The following CACNA1D variants were observed in gnomAD, a reference collection of about 807,000 sequenced individuals.
CACNA1D encodes calcium voltage-gated channel subunit alpha1 D.
In CACNA1D, 55 loss-of-function variants were observed where a neutral mutation model predicts 257.1. That is an observed-to-expected ratio of 0.21 (90% CI 0.17 to 0.27). The LOEUF (loss-of-function observed/expected upper bound fraction) is 0.27. Among genes scored for constraint, CACNA1D ranks in the 10% least tolerant of loss-of-function variants. CACNA1D has a pLI of 1.00. For synonymous variants in CACNA1D, 980 were observed against 1,014.9 expected (o/e 0.97, Z 0.65); for missense variants, 1,876 against 2,784.0 (o/e 0.67, Z 7.34).
intron 9 of CACNA1D, among the ~76,000 whole-genome samples, chr3:53,706,248 T>A (rs1329272867): frequency 1.3e-5 from 2 of 152,188 alleles, no homozygotes; most frequent in Non-Finnish European, 1.5e-5. Flanking sequence ...GAAGTGACAG[T>A]GTGAGAAGAA....
intron 21 of CACNA1D, among the ~76,000 whole-genome samples, chr3:53,742,539 A>G (rs2095127985): frequency 6.6e-6 from 1 of 152,202 alleles, no homozygotes; most frequent in Admixed American, 6.5e-5. Context: ...GCCTCTGTGG[A>G]AAAGTGATGT....
At position 53,805,139 on chromosome 3, in the gene CACNA1D, C is replaced by T; in HGVS notation, c.5742C>T (p.Thr1914=). The T allele has an allele frequency of 6.2e-7, 1 of 1,613,734 alleles. No individual in the cohort carries two copies. The highest frequency in any genetic ancestry group is 1.7e-5 in the Admixed American group (1 of 60,022). ...CAAGGAGACGCCTACTACCTCCCAC[C>T]CCAGCATGTGAGGCCAGATTTTTTG... ...RSPRRRLLPP[T]PASHRRSSFN... Residue 1914 remains threonine, a synonymous_variant, in exon 45 of 48, where the codon ACC becomes ACT. Coordinates refer to ENST00000350061, the MANE Select transcript of CACNA1D (RefSeq NM_001128840.3).
At chr3:53,638,163 T>G (rs754063) in intron 3 of CACNA1D, among the ~76,000 whole-genome samples, 95,343 of 152,084 alleles carry the variant, frequency 0.63, 32,031 homozygotes, top group African/African-American at 0.87. Context: ...TAGCAATGAA[T>G]GGAGTTGGGG....
chr3:53,497,589 G>A (rs1459612909), intron 2 of CACNA1D, 128 bp downstream of exon 2: 9 of 957,000 alleles, frequency 9.4e-6, no homozygotes, highest in Non-Finnish European at 1.5e-5. Context: ...TTGTATATAA[G>A]GGGTTTCATT....
intron 5 of CACNA1D, among the ~76,000 whole-genome samples, chr3:53,661,715 T>C (rs1437467697): frequency 1.3e-5 from 2 of 152,166 alleles, no homozygotes; most frequent in African/African-American, 4.8e-5. Context: ...TTCTGGCCAG[T>C]GAAAAATCCA....
Position 53,723,400 on chromosome 3 carries a change from G to T in CACNA1D, c.1667-34G>T. 1.3e-6 allele frequency: 2 copies of T among 1,524,376 alleles called. No homozygotes were observed. The highest frequency in any genetic ancestry group is 1.4e-5 in the African/African-American group (1 of 73,268). 94.4% of individuals were successfully genotyped at this position (1,524,376 alleles called of 1,614,324 possible). A position where few individuals can be genotyped will look rare whatever the true frequency, so the allele number is the denominator to read the frequency against. ...CGAGCAGTCTGAGTGTCTTGCAGGA[G>T]ACCCTGAGGATGGGTGCCCCTTTGT... On this transcript the variant is annotated intron_variant, in intron 12 of 47. Coordinates refer to ENST00000350061, the MANE Select transcript of CACNA1D (RefSeq NM_001128840.3). This position sits in a 1 kb window ranked among gnomAD's most constrained non-coding sequence, Gnocchi z 5.6.
chr3:53,520,947 T>G (rs766833882), intron 3 of CACNA1D, among the ~76,000 whole-genome samples: 2 of 151,072 alleles, frequency 1.3e-5, no homozygotes, highest in African/African-American at 2.4e-5. Context: ...CTCCTTTCCT[T>G]TCCTCCTGTC....
At position 53,775,851 on chromosome 3, in the gene CACNA1D, C is replaced by T. The variant is rs772665456; in HGVS notation, c.4203-35C>T. 8 of 1,609,060 alleles carry T rather than the reference C, an allele frequency of 5.0e-6. No individual in the cohort carries two copies. The East Asian group carries it at 1.6e-4, about 31-fold the overall frequency. Reference sequence around the variant, plus strand: ...TCTAAGCTTCAAATTCCTTCTTTCCCCCACTAAAGCCCCTTTGTTCTTCAT... The same window carrying T: ...TCTAAGCTTCAAATTCCTTCTTTCCTCCACTAAAGCCCCTTTGTTCTTCAT... On this transcript the variant is annotated intron_variant, in intron 34 of 47. Transcript: ENST00000350061.
chr3:53,801,997 A>C (rs1410611606), intron 42 of CACNA1D, 150 bp from the exon 43 acceptor site: 1 of 770,686 alleles, frequency 1.3e-6, no homozygotes, highest in Admixed American at 1.7e-5. Context: ...CATGGGTCAT[A>C]CAAGGCCAGG....
At chr3:53,700,410 T>C (rs1036816726) in intron 8 of CACNA1D, among the ~76,000 whole-genome samples, 3 of 152,196 alleles carry the variant, frequency 2.0e-5, no homozygotes, top group African/African-American at 7.2e-5. Flanking sequence ...TTCATTTTCC[T>C]GCAGATACAT....
intron 40 of CACNA1D, chr3:53,799,849 C>T (rs949747964): frequency 1.7e-5 from 5 of 291,634 alleles, no homozygotes; most frequent in African/African-American, 8.7e-5. Context: ...CCCTTTAGAT[C>T]GGCCAGGCTG....
In CACNA1D at chr3:53,810,527, C is replaced by T. The variant is rs181426098; in HGVS notation, c.6192+229C>T. Reference sequence around the variant, plus strand: ...ATCTCAGCACTTTGGGAGGCCGAGGCGGGTGGATCACCTGAGGTCAGCGGC... The same window carrying T: ...ATCTCAGCACTTTGGGAGGCCGAGGTGGGTGGATCACCTGAGGTCAGCGGC... On this transcript the variant is annotated intron_variant, in intron 47 of 47. Transcript: ENST00000350061. The T allele has an allele frequency of 8.6e-3, 4,964 of 574,842 alleles. 44 individuals are homozygous for T. Among genetic ancestry groups the T allele is most frequent in the South Asian group, 0.021 (1,120 of 52,502 alleles). The allele number at this position is 574,842 out of a possible 1,614,324, so 35.6% of individuals were successfully genotyped here.
intron 8 of CACNA1D, among the ~76,000 whole-genome samples, chr3:53,678,200 G>A (rs917886563): frequency 6.6e-6 from 1 of 152,092 alleles, no homozygotes; most frequent in African/African-American, 2.4e-5. Flanking sequence ...ACCCCCTCCT[G>A]GGCTTGCTTT....
intron 29 of CACNA1D, among the ~76,000 whole-genome samples, chr3:53,755,663 A>G (rs1489218869): frequency 6.6e-6 from 1 of 152,166 alleles, no homozygotes; most frequent in African/African-American, 2.4e-5. Flanking sequence ...TTAAGACAGT[A>G]GCAGCAGCAT....
intron 3 of CACNA1D, among the ~76,000 whole-genome samples, chr3:53,610,284 G>A (rs954199023): frequency 5.9e-5 from 9 of 152,102 alleles, no homozygotes; most frequent in African/African-American, 2.2e-4. Context: ...CTATTCTTTT[G>A]TATACATACT....
intron 3 of CACNA1D, among the ~76,000 whole-genome samples, chr3:53,632,367 C>T (rs1333324455): frequency 6.6e-6 from 1 of 152,240 alleles, no homozygotes; most frequent in Non-Finnish European, 1.5e-5. Context: ...GAGTTAGGGC[C>T]TTGCTCTGGA....
chr3:53,741,120 G>T (rs1480902092), intron 21 of CACNA1D, among the ~76,000 whole-genome samples: 1 of 152,142 alleles, frequency 6.6e-6, no homozygotes, highest in Non-Finnish European at 1.5e-5. Context: ...CTGCCCCATG[G>T]GGAGCCCATT....
chr3:53,778,041 A>C (rs1327780076), intron 37 of CACNA1D, among the ~76,000 whole-genome samples: 1 of 152,290 alleles, frequency 6.6e-6, no homozygotes, highest in East Asian at 1.9e-4. Context: ...AAACCAAGGT[A>C]GCAGAACAGA....
At chr3:53,681,165 G>C (rs1194021234) in intron 8 of CACNA1D, among the ~76,000 whole-genome samples, 1 of 152,166 alleles carries the variant, frequency 6.6e-6, no homozygotes, top group Non-Finnish European at 1.5e-5. Flanking sequence ...TTATTAAAGA[G>C]ATTTTCTCTG....
Sources: allele counts gnomAD v4.1 joint callset (sites outside exome capture counted in the v4.1 genomes callset), GRCh38; gene constraint gnomAD v4.1.1; non-coding constraint Gnocchi (gnomAD v3.1); transcripts MANE v1.5; gene names NCBI Gene and HGNC (gene_info 2026-07-23, HGNC 2026-07-21).